Variants in GPHN observed in about 807,000 individuals in gnomAD.
The protein encoded by GPHN is gephyrin.
A neutral mutation model predicts 95.5 loss-of-function variants in GPHN; 17 were observed. The ratio of observed to expected loss-of-function variants is 0.18; its 90% confidence interval spans 0.12 to 0.27. GPHN has a LOEUF of 0.27. Among genes scored for constraint, GPHN ranks in the 10% least tolerant of loss-of-function variants. GPHN has a pLI of 1.00. For synonymous variants in GPHN, 320 were observed against 322.5 expected, an observed-to-expected ratio of 0.99 and a Z score of 0.08; for missense variants, 660 against 978.1, an observed-to-expected ratio of 0.67 and a Z score of 4.34.
At chr14:67,587,404 T>C in the GPHN span, 2 of 726,630 alleles carry the variant, frequency 2.8e-6, no homozygotes, top group South Asian at 1.7e-5. Flanking sequence ...TGCCTTATAA[T>C]GTTTCAGGGC....
In GPHN at chr14:66,834,077, A is replaced by G. The variant is rs192903239; in HGVS notation, c.294+9511A>G. 7.2e-5 allele frequency among the ~76,000 whole-genome samples: 11 copies of G among 152,284 alleles called. No individual in the cohort carries two copies. The East Asian group carries it at 1.9e-3, about 27-fold the overall frequency. On this transcript the variant is annotated intron_variant, in intron 4 of 22. Coordinates refer to ENST00000478722, the MANE Select transcript of GPHN (RefSeq NM_020806.5). ...CTTGTTTGAAAGTCTAAATATATCAAACTGAAATCTGTCACCTTATAATTT... is the reference window on the plus strand; with the variant it reads ...CTTGTTTGAAAGTCTAAATATATCAGACTGAAATCTGTCACCTTATAATTT...
At chr14:66,993,272 A>G (rs2071555001) in intron 9 of GPHN, among the ~76,000 whole-genome samples, 1 of 152,128 alleles carries the variant, frequency 6.6e-6, no homozygotes, top group African/African-American at 2.4e-5. Flanking sequence ...ACACACACAC[A>G]TACACACAAA....
chr14:66,853,954 A>G (rs569201875), intron 4 of GPHN, among the ~76,000 whole-genome samples: 4 of 152,294 alleles, frequency 2.6e-5, no homozygotes, highest in African/African-American at 7.2e-5. Context: ...TATCTGCCAT[A>G]TTCCTTATCA....
the GPHN span, among the ~76,000 whole-genome samples, chr14:67,436,193 C>T: frequency 6.6e-6 from 1 of 152,186 alleles, no homozygotes; most frequent in Admixed American, 6.5e-5. Context: ...TACTACTGTC[C>T]AGCCAAGGTT....
the GPHN span, among the ~76,000 whole-genome samples, chr14:67,211,309 A>G: frequency 6.6e-6 from 1 of 152,194 alleles, no homozygotes; most frequent in East Asian, 1.9e-4. Context: ...AGCAAACTGA[A>G]CAAAAAAAAC....
At chr14:66,609,078 T>A (rs1179250540) in intron 1 of GPHN, among the ~76,000 whole-genome samples, 1 of 152,164 alleles carries the variant, frequency 6.6e-6, no homozygotes, top group Non-Finnish European at 1.5e-5. Context: ...TTATAGTGTC[T>A]ATGGGCTATA....
At chr14:66,792,529 T>A (rs1416123882) in intron 3 of GPHN, among the ~76,000 whole-genome samples, 1 of 151,642 alleles carries the variant, frequency 6.6e-6, no homozygotes, top group Non-Finnish European at 1.5e-5. Flanking sequence ...ATACTATTTT[T>A]AAAAAATGAA....
At chr14:66,971,575 A>G (rs1486948508) in intron 9 of GPHN, among the ~76,000 whole-genome samples, 4 of 152,192 alleles carry the variant, frequency 2.6e-5, no homozygotes, top group Non-Finnish European at 5.9e-5. Flanking sequence ...ATAGATATAT[A>G]GTTAGAAAAG....
intron 11 of GPHN, among the ~76,000 whole-genome samples, chr14:67,082,178 A>G (rs2076720211): frequency 6.6e-6 from 1 of 152,164 alleles, no homozygotes; most frequent in African/African-American, 2.4e-5. Context: ...GAATTTGTAC[A>G]TTGCTTTTGG....
the GPHN span, among the ~76,000 whole-genome samples, chr14:67,247,884 C>T: frequency 0.015 from 2,250 of 152,254 alleles, 44 homozygotes; most frequent in African/African-American, 0.05. Flanking sequence ...TGGCTTCTTG[C>T]TCACTTTCTT....
chr14:67,397,645 C>T, the GPHN span: 3 of 1,600,800 alleles, frequency 1.9e-6, no homozygotes, highest in Non-Finnish European at 2.6e-6. Context: ...AGCTGGACAG[C>T]AGGGGCCATC....
chr14:67,380,378 A>G, the GPHN span, among the ~76,000 whole-genome samples: 6 of 152,190 alleles, frequency 3.9e-5, no homozygotes, highest in African/African-American at 9.6e-5. Context: ...AGGGACAGCT[A>G]ATTGCATGGA....
At chr14:67,519,753 C>T in the GPHN span, among the ~76,000 whole-genome samples, 2 of 149,354 alleles carry the variant, frequency 1.3e-5, no homozygotes, top group South Asian at 2.1e-4. Context: ...GACAGGTTCT[C>T]GTTCTGTTGC....
intron 8 of GPHN, among the ~76,000 whole-genome samples, chr14:66,947,422 T>C (rs1033875495): frequency 6.6e-6 from 1 of 152,234 alleles, no homozygotes. Context: ...TTACTTAATT[T>C]ATCTCTAGAA....
the GPHN span, among the ~76,000 whole-genome samples, chr14:67,478,508 A>C: frequency 6.6e-6 from 1 of 152,236 alleles, no homozygotes; most frequent in Non-Finnish European, 1.5e-5. Context: ...AGGATGAAAG[A>C]GTGTGTAGAA....
chr14:67,366,274 T>C, the GPHN span, among the ~76,000 whole-genome samples: 2 of 152,126 alleles, frequency 1.3e-5, no homozygotes, highest in African/African-American at 4.8e-5. Flanking sequence ...GGGGTCTTGC[T>C]GTGTTGCCCA....
chr14:66,987,307 T>C (rs1006882034), intron 9 of GPHN, among the ~76,000 whole-genome samples: 8 of 152,084 alleles, frequency 5.3e-5, no homozygotes, highest in African/African-American at 1.7e-4. Context: ...TGAAAATTAC[T>C]GAAGGTGAAA....
intron 1 of GPHN, among the ~76,000 whole-genome samples, chr14:66,552,767 A>G (rs1445530774): frequency 6.6e-6 from 1 of 152,156 alleles, no homozygotes; most frequent in Non-Finnish European, 1.5e-5. Context: ...TCTGACTTCC[A>G]GTGAGAGGCT....
At chr14:67,180,744 A>C in intron 22 of GPHN, 60 bp from the exon 23 acceptor site, 6 of 1,536,692 alleles carry the variant, frequency 3.9e-6, no homozygotes, top group Non-Finnish European at 5.4e-6. Context: ...AAGGTCTACA[A>C]GGGCCCAACT....
Sources: gnomAD v4.1 joint callset for allele counts (sites outside exome capture counted in the v4.1 genomes callset) on GRCh38, gnomAD v4.1.1 for gene constraint, MANE v1.5 for transcripts, NCBI Gene and HGNC (gene_info 2026-07-23, HGNC 2026-07-21) for gene names.